Variants in DLC1 observed in about 807,000 individuals in gnomAD.
The protein encoded by DLC1 is rho GTPase-activating protein 7.
Under a neutral mutation model 140.3 loss-of-function variants are expected in DLC1, and 54 were observed. The observed-to-expected ratio is 0.38, with a 90% CI of 0.31 to 0.48. The LOEUF is 0.48. DLC1 is among the 20% of genes least tolerant of loss of function. The pLI, the probability that DLC1 is intolerant of heterozygous loss-of-function variation, is 0.96. For synonymous variants in DLC1, 986 were observed against 728.1 expected (o/e 1.35, Z -5.70); for missense variants, 2,536 against 1,907.0 (o/e 1.33, Z -6.14).
chr8:13,588,873 C>T (rs1805421894), intron 1 of DLC1, among the ~76,000 whole-genome samples: 1 of 151,950 alleles, frequency 6.6e-6, no homozygotes, highest in African/African-American at 2.4e-5. Context: ...TAACAAAGCT[C>T]ATAGTTTTGG....
At chr8:13,371,261 G>C (rs888879218) in intron 4 of DLC1, among the ~76,000 whole-genome samples, 2 of 151,938 alleles carry the variant, frequency 1.3e-5, no homozygotes, top group African/African-American at 4.8e-5. Context: ...TCATCATTTT[G>C]TCCCTGGATT....
At chr8:13,445,646 CTA>C (rs1462310950) in intron 2 of DLC1, among the ~76,000 whole-genome samples, 2 of 152,178 alleles carry the variant, frequency 1.3e-5, no homozygotes, top group African/African-American at 4.8e-5. Flanking sequence ...AGACCAGTGA[CTA>C]TAGACTTAAC....
At chr8:13,447,796 GT>G (rs972983481) in intron 2 of DLC1, among the ~76,000 whole-genome samples, 5 of 151,758 alleles carry the variant, frequency 3.3e-5, no homozygotes, top group East Asian at 1.9e-4. Flanking sequence ...TGTTCTTTGT[GT>G]TTTTTTTCCT....
chr8:13,583,931 C>G (rs1484417441), intron 1 of DLC1: 1 of 152,248 alleles, frequency 6.6e-6, no homozygotes, highest in Non-Finnish European at 1.5e-5. Flanking sequence ...ACATCCTGGA[C>G]AGCTATCATG....
intron 1 of DLC1, among the ~76,000 whole-genome samples, chr8:13,536,329 A>G (rs906331783): frequency 1.3e-5 from 2 of 152,208 alleles, no homozygotes. Flanking sequence ...GGGGAAATCT[A>G]AGGTTAGATA....
At chr8:13,581,149 A>T (rs775986553) in intron 1 of DLC1, among the ~76,000 whole-genome samples, 4 of 152,142 alleles carry the variant, frequency 2.6e-5, no homozygotes, top group Non-Finnish European at 4.4e-5. Flanking sequence ...TGCCTGGGAG[A>T]TCTCATTCAG....
chr8:13,318,479 G>A (rs1156432779), intron 4 of DLC1, among the ~76,000 whole-genome samples: 1 of 152,056 alleles, frequency 6.6e-6, no homozygotes, highest in Non-Finnish European at 1.5e-5. Flanking sequence ...TTGAACCTAG[G>A]GTTTTAACTT....
At chr8:13,506,036 A>G (rs1802045789) in intron 1 of DLC1, among the ~76,000 whole-genome samples, 1 of 144,202 alleles carries the variant, frequency 6.9e-6, no homozygotes, top group South Asian at 2.1e-4. Flanking sequence ...TCCTTTGAGA[A>G]TACATGTGAT....
At chr8:13,153,518 T>C (rs1261822633) in intron 5 of DLC1, among the ~76,000 whole-genome samples, 2 of 152,240 alleles carry the variant, frequency 1.3e-5, no homozygotes, top group South Asian at 4.1e-4. Context: ...TCGCCACTGC[T>C]GGCTCCAGCA....
chr8:13,497,556 G>A (rs1274855804), intron 2 of DLC1, among the ~76,000 whole-genome samples: 1 of 152,178 alleles, frequency 6.6e-6, no homozygotes, highest in Non-Finnish European at 1.5e-5. Flanking sequence ...ATGTCCAAGA[G>A]TAAATTCTTT....
chr8:13,515,841 G>T (rs749277457), upstream of DLC1, among the ~76,000 whole-genome samples: 1 of 152,166 alleles, frequency 6.6e-6, no homozygotes. Context: ...AATAATAGAT[G>T]TTAGCTCGTC....
At chr8:13,312,414 C>T (rs1377191430) in intron 4 of DLC1, among the ~76,000 whole-genome samples, 2 of 94,766 alleles carry the variant, frequency 2.1e-5, no homozygotes, top group Non-Finnish European at 4.6e-5. Flanking sequence ...GCTAGATAAA[C>T]AGAAAGAGCC....
chr8:13,140,728 C>A (rs1269153759), intron 5 of DLC1, among the ~76,000 whole-genome samples: 1 of 152,034 alleles, frequency 6.6e-6, no homozygotes, highest in Admixed American at 6.6e-5. Context: ...CTTATTTGTT[C>A]TTTTCAATTA....
chr8:13,264,040 G>T (rs1437145888), intron 5 of DLC1, among the ~76,000 whole-genome samples: 2 of 90,744 alleles, frequency 2.2e-5, no homozygotes, highest in African/African-American at 4.5e-5. Context: ...ACAGCAATAA[G>T]AATAAGAAGC....
chr8:13,358,351 C>G (rs1449069903), intron 4 of DLC1, among the ~76,000 whole-genome samples: 1 of 152,128 alleles, frequency 6.6e-6, no homozygotes, highest in Non-Finnish European at 1.5e-5. Context: ...TTTTGTCACC[C>G]CCAGGTTAGT....
At chr8:13,300,117 A>T (rs562176602) in intron 5 of DLC1, among the ~76,000 whole-genome samples, 2 of 152,192 alleles carry the variant, frequency 1.3e-5, no homozygotes, top group Non-Finnish European at 2.9e-5. Context: ...AAGGAAGGAG[A>T]TCACGTTCTT....
In DLC1 at chr8:13,086,302, C is replaced by T; in HGVS notation, c.4454G>A (p.Arg1485Lys). The change falls in exon 17 of 18, where the codon AGA becomes AAA. Residue 1485 changes from arginine to lysine, a missense_variant. Arg to Lys is a conservative substitution (Grantham distance 26). Coordinates refer to ENST00000276297, the MANE Select transcript of DLC1 (RefSeq NM_182643.3). ...AATCAGAACATACCTTAAGTCAACTCTGCACATGTAGGTGAGTTTGGATTT... is the reference window on the plus strand; with the variant it reads ...AATCAGAACATACCTTAAGTCAACTTTGCACATGTAGGTGAGTTTGGATTT... ...PGKSKLTYMC[R>K]VDLRGHMPEW... 6.2e-7 allele frequency: 1 copy of T among 1,614,178 alleles called. No homozygotes were observed. The highest frequency in any genetic ancestry group is 8.5e-7 in the Non-Finnish European group (1 of 1,180,018).
intron 5 of DLC1, among the ~76,000 whole-genome samples, chr8:13,202,558 G>A (rs2117073704): frequency 6.6e-6 from 1 of 152,232 alleles, no homozygotes. Context: ...TGGCTTCGCT[G>A]TGGGCTTTAT....
At chr8:13,181,534 T>A (rs1490017536) in intron 5 of DLC1, among the ~76,000 whole-genome samples, 1 of 147,486 alleles carries the variant, frequency 6.8e-6, no homozygotes, top group Non-Finnish European at 1.5e-5. Context: ...TCCCACCTTG[T>A]GTCTAAGTGA....
Sources: gnomAD v4.1 joint callset for allele counts (sites outside exome capture counted in the v4.1 genomes callset) on GRCh38, gnomAD v4.1.1 for gene constraint, MANE v1.5 for transcripts, NCBI Gene and HGNC (gene_info 2026-07-23, HGNC 2026-07-21) for gene names.